Variants in LMAN2 observed in about 807,000 individuals in gnomAD.
The protein encoded by LMAN2 is lectin, mannose binding 2.
LMAN2 carries 22 observed loss-of-function variants against 39.3 expected under a neutral mutation model. The observed-to-expected ratio is 0.56, with a 90% CI of 0.40 to 0.80. The LOEUF is 0.80. Among genes scored for constraint, LMAN2 ranks in the 30% least tolerant of loss-of-function variants. The probability of loss-of-function intolerance (pLI) is 0.00; values close to 1 mark genes in which losing one functional copy is unlikely to be tolerated. For synonymous variants in LMAN2, 207 were observed against 207.8 expected, an observed-to-expected ratio of 1.00 and a Z score of 0.03; for missense variants, 494 against 505.4, an observed-to-expected ratio of 0.98 and a Z score of 0.22.
intron 2 of LMAN2, among the ~76,000 whole-genome samples, chr5:177,349,695 G>C (rs890774396): frequency 6.6e-6 from 1 of 152,120 alleles, no homozygotes; most frequent in African/African-American, 2.4e-5. Flanking sequence ...TTTGCACCTT[G>C]CTTTCAAAAA....
rs1362307025 is a variant in LMAN2 at position 177,338,535 on chromosome 5, T to C, written c.386A>G (p.His129Arg). The C allele has an allele frequency of 6.2e-7, 1 of 1,613,962 alleles. No homozygotes were observed. Among genetic ancestry groups the C allele is most frequent in the Non-Finnish European group, 8.5e-7 (1 of 1,179,886 alleles). ...KVHGTGKKNL[H>R]GDGIALWYTR... ...GTACCACAAGGCGATGCCGTCTCCA[T>C]GGAGGTTCTTCTTCCCTGTGCCGTG... Residue 129 changes from histidine (H) to arginine (R), a missense_variant, in exon 3 of 8, where the codon CAT (histidine) becomes CGT (arginine). Coordinates refer to ENST00000303127, the MANE Select transcript of LMAN2 (RefSeq NM_006816.3).
rs1047613249 is a variant in LMAN2, at chr5:177,344,577, G to A, written c.316-5972C>T. Among the ~76,000 whole-genome samples the A allele has an allele frequency of 3.2e-4, 48 of 151,126 alleles. 1 individual carries two copies. The highest frequency in any genetic ancestry group is 1.6e-3 in the Admixed American group (24 of 15,198). Reference sequence around the variant, plus strand: ...TTATAGGCGTGAGCCACCGCGCCCAGCCTGTGTTACATACATTTTATCACA... The same window carrying A: ...TTATAGGCGTGAGCCACCGCGCCCAACCTGTGTTACATACATTTTATCACA... On this transcript the variant is annotated intron_variant, in intron 2 of 7. Transcript: ENST00000303127.
At position 177,337,420 on chromosome 5, in the gene LMAN2, G is replaced by A. The variant is rs748348569; in HGVS notation, c.618C>T (p.Phe206=). ...WTELAGCTAD[F]RNRDHDTFLA... is the part of the protein sequence containing the mutation. ...GGAAGGTGTCGTGATCGCGGTTGCG[G>A]AAGTCAGCCGTGCAGCCCGCCAGCT... Residue 206 remains phenylalanine, a synonymous_variant, in exon 5 of 8, where the codon TTC becomes TTT. Coordinates refer to ENST00000303127, the MANE Select transcript of LMAN2 (RefSeq NM_006816.3). This position sits in a 1 kb window ranked among gnomAD's most constrained non-coding sequence, Gnocchi z 8.2. 56 of 1,613,304 alleles carry A rather than the reference G, an allele frequency of 3.5e-5. No individual in the cohort carries two copies. Among genetic ancestry groups the A allele is most frequent in the Non-Finnish European group, 4.7e-5 (55 of 1,180,026 alleles).
chr5:177,351,023 G>T (rs772629602), intron 2 of LMAN2, 150 bp downstream of exon 2: 8 of 720,386 alleles, frequency 1.1e-5, no homozygotes, highest in Non-Finnish European at 1.5e-5. Context: ...AATACCCATC[G>T]CCTCTTATTA....
Position 177,351,563 on chromosome 5 carries a change from G to C in LMAN2, c.85C>G (p.Pro29Ala). Residue 29 changes from proline (P) to alanine (A), a missense_variant, in exon 1 of 8, where the codon CCC (proline) becomes GCC (alanine). Pro to Ala is a conservative substitution (Grantham distance 27). Transcript: ENST00000303127. Reference sequence around the variant, plus strand: ...AAAAGAAGAAAGAGAGGTGTAGTGGGGCCAGGGCCGGGGCCGAGAAGCCCA... The same window carrying C: ...AAAAGAAGAAAGAGAGGTGTAGTGGCGCCAGGGCCGGGGCCGAGAAGCCCA... The part of the protein sequence containing the change: ...RPGLLGPGPG[P>A]TTPLFLLLLL... The C allele has an allele frequency of 6.2e-7, 1 of 1,614,198 alleles. No individual in the cohort carries two copies. Among genetic ancestry groups the C allele is most frequent in the Non-Finnish European group, 8.5e-7 (1 of 1,180,038 alleles).
intron 2 of LMAN2, among the ~76,000 whole-genome samples, chr5:177,340,480 A>C (rs1232409110): frequency 6.6e-6 from 1 of 152,128 alleles, no homozygotes; most frequent in Non-Finnish European, 1.5e-5. Context: ...TGTTCTCCTT[A>C]AAAACAGAGA....
chr5:177,344,134 C>G (rs1161113779), intron 2 of LMAN2, among the ~76,000 whole-genome samples: 4 of 151,650 alleles, frequency 2.6e-5, no homozygotes, highest in Non-Finnish European at 4.4e-5. Context: ...AGGAGGATCA[C>G]TGGACTCCAG....
chr5:177,345,060 G>T (rs1300363548), intron 2 of LMAN2, among the ~76,000 whole-genome samples: 4 of 151,548 alleles, frequency 2.6e-5, no homozygotes, highest in African/African-American at 9.7e-5. Flanking sequence ...CCATTGTCAG[G>T]CTGGGCGCAG....
intron 2 of LMAN2, among the ~76,000 whole-genome samples, chr5:177,348,780 G>A (rs1043237410): frequency 2.7e-5 from 4 of 150,436 alleles, no homozygotes; most frequent in Non-Finnish European, 5.9e-5. Context: ...GCTACTCAGG[G>A]GGCTGAGGCA....
At chr5:177,340,119 C>T (rs538626953) in intron 2 of LMAN2, among the ~76,000 whole-genome samples, 4 of 152,016 alleles carry the variant, frequency 2.6e-5, no homozygotes, top group Admixed American at 2.0e-4. Flanking sequence ...TTCAAAGACA[C>T]GCCACAAACT....
chr5:177,344,466 G>A (rs1366762363), intron 2 of LMAN2, among the ~76,000 whole-genome samples: 1 of 150,960 alleles, frequency 6.6e-6, no homozygotes, highest in African/African-American at 2.4e-5. Flanking sequence ...ATTTTTAGTA[G>A]AGACGGGGTT....
In LMAN2 at chr5:177,331,912, C is replaced by T. The variant is rs1286261748; in HGVS notation, c.*174G>A. ...GTGGGGGGTGCCAGACCCTAAGCCTCGGCTCTGCCACCTGTCCCTGCTGGG... is the reference window on the plus strand; with the variant it reads ...GTGGGGGGTGCCAGACCCTAAGCCTTGGCTCTGCCACCTGTCCCTGCTGGG... On this transcript the variant is annotated 3_prime_UTR_variant, in exon 8 of 8. Transcript: ENST00000303127. 6.7e-6 allele frequency: 5 copies of T among 740,840 alleles called. No homozygotes were observed. The highest frequency in any genetic ancestry group is 4.2e-5 in the South Asian group (2 of 47,064). The allele number at this position is 740,840 out of a possible 1,614,324, so 45.9% of individuals were successfully genotyped here. A position where few individuals can be genotyped will look rare whatever the true frequency, so the allele number is the denominator to read the frequency against.
At position 177,332,103 on chromosome 5, in the gene LMAN2, T is replaced by C. The variant is rs1581599744; in HGVS notation, c.1054A>G (p.Asn352Asp). The change falls in exon 8 of 8, where the codon AAC becomes GAC. Residue 352 changes from asparagine (N) to aspartate (D), a missense_variant. Coordinates refer to ENST00000303127, the MANE Select transcript of LMAN2 (RefSeq NM_006816.3). This position sits in a 1 kb window ranked among gnomAD's most constrained non-coding sequence, Gnocchi z 6.3. ...GGCGCCACTCAGTAGAAGCGCTTGT[T>C]CCGCTCCTGCCGCTTCTGGAACACC... ...AVVFQKRQERNKRFY is the reference protein window; with the variant it reads ...AVVFQKRQERDKRFY 2.5e-6 allele frequency: 4 copies of C among 1,612,678 alleles called. No individual in the cohort carries two copies. Among genetic ancestry groups the C allele is most frequent in the Non-Finnish European group, 3.4e-6 (4 of 1,179,726 alleles).
chr5:177,337,293 T>C lies in LMAN2; in HGVS notation c.676-43A>G, dbSNP rs1561604197. 6 of 1,612,418 alleles carry C rather than the reference T, an allele frequency of 3.7e-6. No homozygotes were observed. The highest frequency in any genetic ancestry group is 3.3e-5 in the Admixed American group (2 of 59,962). ...CTAAGCACCTCGCAGGACAGCAGCC[T>C]GCCCTCCTGAGCCTCTGTGGGACCA... On this transcript the variant is annotated intron_variant, in intron 5 of 7. Coordinates refer to ENST00000303127, the MANE Select transcript of LMAN2 (RefSeq NM_006816.3). The surrounding 1 kb of genome is among the most constrained non-coding windows in gnomAD (Gnocchi z 8.2).
chr5:177,337,747 C>A lies in LMAN2; in HGVS notation c.472G>T (p.Ala158Ser). 1 of 1,613,972 alleles carries A rather than the reference C, an allele frequency of 6.2e-7. No individual in the cohort carries two copies. The highest frequency in any genetic ancestry group is 8.5e-7 in the Non-Finnish European group (1 of 1,180,000). The change falls in exon 4 of 8, where the codon GCC becomes TCC. Residue 158 changes from alanine to serine, a missense_variant. Physicochemically the swap from Ala to Ser is moderately conservative, Grantham distance 99. Coordinates refer to ENST00000303127, the MANE Select transcript of LMAN2 (RefSeq NM_006816.3). The surrounding 1 kb of genome is among the most constrained non-coding windows in gnomAD (Gnocchi z 8.2). ...FGSKDNFHGL[A>S]IFLDTYPNDE... ...TTGGGGTAGGTGTCCAGGAAGATGG[C>A]TAAGCCGTGGAAGTTATCTTTGCTT...
chr5:177,337,635 C>A lies in LMAN2; in HGVS notation c.513+71G>T. ...CTCTTGTGCTGGGACCATGGAAGTCCCAGGGCCCCCTCCTCTAGCCGACTG... is the reference window on the plus strand; with the variant it reads ...CTCTTGTGCTGGGACCATGGAAGTCACAGGGCCCCCTCCTCTAGCCGACTG... On this transcript the variant is annotated intron_variant, in intron 4 of 7. Coordinates refer to ENST00000303127, the MANE Select transcript of LMAN2 (RefSeq NM_006816.3). The surrounding 1 kb of genome is among the most constrained non-coding windows in gnomAD (Gnocchi z 8.2). 7 of 1,604,384 alleles carry A rather than the reference C, an allele frequency of 4.4e-6. No individual in the cohort carries two copies. Among genetic ancestry groups the A allele is most frequent in the Non-Finnish European group, 6.0e-6 (7 of 1,174,382 alleles).
chr5:177,346,883 T>A (rs1761645079), intron 2 of LMAN2, among the ~76,000 whole-genome samples: 3 of 152,044 alleles, frequency 2.0e-5, no homozygotes. Context: ...CTAGAGAAGA[T>A]CCGAACTCAA....
intron 2 of LMAN2, among the ~76,000 whole-genome samples, chr5:177,341,693 G>A (rs771028020): frequency 1.3e-5 from 2 of 152,238 alleles, no homozygotes; most frequent in Admixed American, 6.5e-5. Flanking sequence ...TCAGATTCCA[G>A]AAGGAACGAA....
chr5:177,344,468 G>C (rs1761605410), intron 2 of LMAN2, among the ~76,000 whole-genome samples: 1 of 150,890 alleles, frequency 6.6e-6, no homozygotes, highest in East Asian at 2.0e-4. Context: ...TTTTAGTAGA[G>C]ACGGGGTTTC....
Sources: gnomAD v4.1 joint callset for allele counts (sites outside exome capture counted in the v4.1 genomes callset) on GRCh38, gnomAD v4.1.1 for gene constraint, Gnocchi (gnomAD v3.1) non-coding constraint, MANE v1.5 for transcripts, NCBI Gene and HGNC (gene_info 2026-07-23, HGNC 2026-07-21) for gene names.